The following ATP8A2 variants were observed in gnomAD, a reference collection of about 807,000 sequenced individuals.
The protein encoded by ATP8A2 is phospholipid-transporting ATPase IB.
Under a neutral mutation model 165.6 loss-of-function variants are expected in ATP8A2, and 100 were observed. That is an observed-to-expected ratio of 0.60 (90% CI 0.51 to 0.71). The LOEUF (loss-of-function observed/expected upper bound fraction) is 0.71, where lower values mean the gene tolerates loss of function less well. Among genes scored for constraint, ATP8A2 ranks in the 30% least tolerant of loss-of-function variants. The pLI is 0.00. For synonymous variants in ATP8A2, 543 were observed against 548.8 expected (o/e 0.99, Z 0.15); for missense variants, 1,227 against 1,479.5 (o/e 0.83, Z 2.80).
In ATP8A2 at chr13:25,603,692, G is replaced by T. The variant is rs112232749; in HGVS notation, c.2211+13993G>T. On this transcript the variant is annotated intron_variant, in intron 24 of 36. Coordinates refer to ENST00000381655, the MANE Select transcript of ATP8A2 (RefSeq NM_016529.6). ...TAGTATTTTGATAGTAAAGCTGACA[G>T]GGTTTGCTGATGTATTGGATGTGGG... Among the ~76,000 whole-genome samples the T allele has an allele frequency of 4.4e-3, 675 of 152,126 alleles. 4 individuals are homozygous for T. Among genetic ancestry groups the T allele is most frequent in the African/African-American group, 0.015 (638 of 41,484 alleles).
At chr13:25,929,969 G>A (rs2139065389) in intron 33 of ATP8A2, among the ~76,000 whole-genome samples, 1 of 152,258 alleles carries the variant, frequency 6.6e-6, no homozygotes, top group Admixed American at 6.5e-5. Flanking sequence ...GTGCTCTGTT[G>A]CTCCACGGTT....
At chr13:25,508,000 A>G (rs2037104503) in intron 2 of ATP8A2, among the ~76,000 whole-genome samples, 1 of 152,232 alleles carries the variant, frequency 6.6e-6, no homozygotes, top group Non-Finnish European at 1.5e-5. Context: ...ATGTATGAAA[A>G]TATATTTAAC....
chr13:25,931,679 G>A (rs1954771826), intron 33 of ATP8A2, among the ~76,000 whole-genome samples: 1 of 152,168 alleles, frequency 6.6e-6, no homozygotes, highest in African/African-American at 2.4e-5. Flanking sequence ...AGCTTGAGCT[G>A]GGGGAAGAAT....
chr13:25,530,921 T>C lies in ATP8A2; in HGVS notation c.420+261T>C, dbSNP rs9553627. Among the ~76,000 whole-genome samples the C allele has an allele frequency of 3.9e-3, 595 of 152,178 alleles. 7 individuals carry two copies. The highest frequency in any genetic ancestry group is 0.023 in the Admixed American group (358 of 15,270). ...TGATTTTTATCACTGATGTTCCTTA[T>C]AGCCTGCTTTAGAGCTTGCTAATTT... On this transcript the variant is annotated intron_variant, in intron 4 of 36. Coordinates refer to ENST00000381655, the MANE Select transcript of ATP8A2 (RefSeq NM_016529.6).
chr13:25,978,021 C>CT (rs530675718), intron 35 of ATP8A2, among the ~76,000 whole-genome samples: 14 of 152,256 alleles, frequency 9.2e-5, no homozygotes, highest in Non-Finnish European at 1.3e-4. Context: ...GCCAACAAGA[C>CT]TTTTTTTCAA....
At chr13:25,961,107 C>T (rs1955649912) in intron 33 of ATP8A2, among the ~76,000 whole-genome samples, 1 of 152,192 alleles carries the variant, frequency 6.6e-6, no homozygotes, top group Non-Finnish European at 1.5e-5. Flanking sequence ...ATTCATCTTC[C>T]TTTCCTGGGT....
chr13:25,441,072 G>T (rs758135668), intron 1 of ATP8A2, among the ~76,000 whole-genome samples: 1 of 152,132 alleles, frequency 6.6e-6, no homozygotes, highest in Admixed American at 6.5e-5. Context: ...CCTGATTGGG[G>T]ATCAGGATGT....
intron 27 of ATP8A2, among the ~76,000 whole-genome samples, chr13:25,807,541 A>G (rs1266792827): frequency 1.3e-5 from 2 of 152,216 alleles, no homozygotes; most frequent in East Asian, 1.9e-4. Flanking sequence ...CCATTTATTT[A>G]TACATCTATC....
At chr13:25,565,676 G>T (rs2039292515) in intron 16 of ATP8A2, among the ~76,000 whole-genome samples, 1 of 152,032 alleles carries the variant, frequency 6.6e-6, no homozygotes, top group African/African-American at 2.4e-5. Flanking sequence ...CCACTCTGTG[G>T]GTTGTCTGTT....
chr13:25,870,819 C>T lies in ATP8A2; in HGVS notation c.3183+8411C>T, dbSNP rs752873419. 9.9e-5 allele frequency among the ~76,000 whole-genome samples: 15 copies of T among 152,054 alleles called. 1 individual carries two copies. The highest frequency in any genetic ancestry group is 1.0e-4 in the Non-Finnish European group (7 of 68,024). ...AAATTTTATCTGAAGTGACTTACCC[C>T]GCAATGCAATAGAATTTTTAAAATA... On this transcript the variant is annotated intron_variant, in intron 33 of 36. Transcript: ENST00000381655.
intron 11 of ATP8A2, 145 bp from the exon 12 acceptor site, chr13:25,553,648 G>A: frequency 4.0e-6 from 3 of 753,374 alleles, no homozygotes; most frequent in East Asian, 2.5e-5. Context: ...TGTGGGGCCT[G>A]TGTGCCTCCT....
intron 1 of ATP8A2, among the ~76,000 whole-genome samples, chr13:25,467,709 G>T (rs927028024): frequency 1.3e-5 from 2 of 152,034 alleles, no homozygotes; most frequent in African/African-American, 2.4e-5. Context: ...CCTCCACCTT[G>T]CCCGGCTAAT....
intron 35 of ATP8A2, among the ~76,000 whole-genome samples, chr13:26,007,134 A>T (rs1228397400): frequency 6.6e-6 from 1 of 152,134 alleles, no homozygotes; most frequent in East Asian, 1.9e-4. Context: ...TTTTGTGAAC[A>T]GATAGCTTCC....
intron 27 of ATP8A2, among the ~76,000 whole-genome samples, chr13:25,794,740 T>C (rs1031383107): frequency 2.0e-5 from 3 of 152,056 alleles, no homozygotes; most frequent in African/African-American, 7.2e-5. Flanking sequence ...CTTCTTGGTA[T>C]TTGAATCAGG....
At chr13:25,665,773 T>A (rs959116114) in intron 24 of ATP8A2, among the ~76,000 whole-genome samples, 1 of 151,916 alleles carries the variant, frequency 6.6e-6, no homozygotes, top group Non-Finnish European at 1.5e-5. Flanking sequence ...GGACTTGAAC[T>A]CCTGGGCTCA....
intron 24 of ATP8A2, among the ~76,000 whole-genome samples, chr13:25,640,021 T>A (rs1434157033): frequency 1.3e-5 from 2 of 152,086 alleles, no homozygotes; most frequent in Non-Finnish European, 2.9e-5. Flanking sequence ...CATAACAAAA[T>A]GAAGGCAGAA....
At chr13:25,939,163 C>T (rs938374700) in intron 33 of ATP8A2, among the ~76,000 whole-genome samples, 4 of 152,170 alleles carry the variant, frequency 2.6e-5, no homozygotes, top group Admixed American at 6.5e-5. Flanking sequence ...CTTTGATTGC[C>T]TCATGGGAAC....
At chr13:25,907,378 TAAAATAAAATAA>T (rs1049104892) in intron 33 of ATP8A2, among the ~76,000 whole-genome samples, 2 of 77,006 alleles carry the variant, frequency 2.6e-5, no homozygotes, top group Non-Finnish European at 5.5e-5. Context: ...TAAAATAAAA[TAAAATAAAATAA>T]AAGGAGCTAA....
chr13:25,874,870 A>G (rs1407101869), intron 33 of ATP8A2, among the ~76,000 whole-genome samples: 1 of 151,288 alleles, frequency 6.6e-6, no homozygotes, highest in African/African-American at 2.4e-5. Flanking sequence ...ACACAATGGG[A>G]TGTTATTCAA....
Sources: allele counts gnomAD v4.1 joint callset (sites outside exome capture counted in the v4.1 genomes callset), GRCh38; gene constraint gnomAD v4.1.1; transcripts MANE v1.5; gene names NCBI Gene and HGNC (gene_info 2026-07-23, HGNC 2026-07-21).